Variants in EYS observed in about 807,000 individuals in gnomAD.
EYS encodes the protein protein eyes shut homolog.
A neutral mutation model predicts 282.1 loss-of-function variants in EYS; 250 were observed. That is an observed-to-expected ratio of 0.89 (90% confidence interval 0.80 to 0.98). The LOEUF (loss-of-function observed/expected upper bound fraction) is 0.98. EYS is among the 50% of genes least tolerant of loss of function. EYS has a pLI of 0.00. For synonymous variants in EYS, 1,355 were observed against 1,282.9 expected, an observed-to-expected ratio of 1.06 and a Z score of -1.20; for missense variants, 4,016 against 3,709.0, an observed-to-expected ratio of 1.08 and a Z score of -2.15.
At chr6:65,431,518 C>T (rs1668898589) in intron 5 of EYS, among the ~76,000 whole-genome samples, 2 of 151,776 alleles carry the variant, frequency 1.3e-5, no homozygotes, top group Non-Finnish European at 2.9e-5. Flanking sequence ...TTGTAATTTA[C>T]TATTCTCTCT....
At chr6:65,196,327 T>A (rs1254066167) in intron 12 of EYS, among the ~76,000 whole-genome samples, 1 of 152,072 alleles carries the variant, frequency 6.6e-6, no homozygotes, top group Non-Finnish European at 1.5e-5. Context: ...TTCCCATGGT[T>A]TTTTATATGT....
chr6:64,361,517 G>A (rs1407720778), intron 29 of EYS, among the ~76,000 whole-genome samples: 1 of 151,670 alleles, frequency 6.6e-6, no homozygotes, highest in Non-Finnish European at 1.5e-5. Context: ...ACATTTTTTA[G>A]TCTACAATCA....
chr6:64,823,755 A>C (rs1376656544), intron 19 of EYS, among the ~76,000 whole-genome samples: 1 of 151,948 alleles, frequency 6.6e-6, no homozygotes, highest in African/African-American at 2.4e-5. Context: ...CATAACAGCA[A>C]ACAAGAATTT....
intron 22 of EYS, among the ~76,000 whole-genome samples, chr6:64,746,902 T>C (rs912205369): frequency 1.3e-5 from 2 of 152,252 alleles, no homozygotes; most frequent in African/African-American, 4.8e-5. Flanking sequence ...CAATTTGCTA[T>C]GGCTGATTAA....
intron 26 of EYS, among the ~76,000 whole-genome samples, chr6:64,449,277 G>A (rs893249170): frequency 2.0e-5 from 3 of 151,970 alleles, no homozygotes; most frequent in African/African-American, 7.3e-5. Context: ...CGAAATGAAT[G>A]AAATGAAGTG....
intron 2 of EYS, among the ~76,000 whole-genome samples, chr6:65,624,017 T>C (rs1284807495): frequency 6.6e-6 from 1 of 152,202 alleles, no homozygotes; most frequent in Non-Finnish European, 1.5e-5. Flanking sequence ...GATGGATAGA[T>C]AGATAGGCAG....
chr6:64,573,004 T>C (rs565150699), intron 26 of EYS, among the ~76,000 whole-genome samples: 58 of 152,162 alleles, frequency 3.8e-4, no homozygotes, highest in African/African-American at 1.4e-3. Context: ...GGAGGCATCA[T>C]GCTACCTGAC....
intron 26 of EYS, among the ~76,000 whole-genome samples, chr6:64,562,306 AT>A (rs1765422875): frequency 6.6e-6 from 1 of 151,880 alleles, no homozygotes; most frequent in Non-Finnish European, 1.5e-5. Flanking sequence ...CTACAAAAAT[AT>A]TTTTAATGGC....
In EYS at chr6:64,830,143, C is replaced by G. The variant is rs550283186; in HGVS notation, c.2993-7321G>C. Among the ~76,000 whole-genome samples the G allele has an allele frequency of 3.3e-5, 5 of 152,096 alleles. No homozygotes were observed. In the South Asian group the frequency reaches 6.2e-4, roughly 19 times the overall value. Reference sequence around the variant, plus strand: ...CCCTTATAAAATAGGCCCAAGGGAACCTTCCACCATGTGAGGACATGGCTA... The same window carrying G: ...CCCTTATAAAATAGGCCCAAGGGAAGCTTCCACCATGTGAGGACATGGCTA... On this transcript the variant is annotated intron_variant, in intron 19 of 42. Coordinates refer to ENST00000503581, the MANE Select transcript of EYS (RefSeq NM_001142800.2).
chr6:63,779,907 C>T (rs1649127700), intron 39 of EYS, among the ~76,000 whole-genome samples: 1 of 152,080 alleles, frequency 6.6e-6, no homozygotes, highest in African/African-American at 2.4e-5. Context: ...CTCCCCCGAC[C>T]CCATGACAGG....
At chr6:65,501,487 G>A (rs775113966) in intron 2 of EYS, among the ~76,000 whole-genome samples, 49 of 151,598 alleles carry the variant, frequency 3.2e-4, no homozygotes, top group African/African-American at 1.1e-3. Flanking sequence ...CTAAATTATC[G>A]TTGCCATTAT....
At chr6:64,225,321 A>G (rs1023260217) in intron 31 of EYS, among the ~76,000 whole-genome samples, 9 of 151,970 alleles carry the variant, frequency 5.9e-5, no homozygotes, top group Admixed American at 1.3e-4. Flanking sequence ...CCAAAGCCCA[A>G]TTCCTGGAAA....
At chr6:64,911,876 GAT>G (rs1768004345) in intron 16 of EYS, among the ~76,000 whole-genome samples, 1 of 152,114 alleles carries the variant, frequency 6.6e-6, no homozygotes. Context: ...AAAGTTTAAT[GAT>G]ATAAGCAGAG....
chr6:64,590,860 G>A lies in EYS; in HGVS notation c.5007C>T (p.Val1669=), dbSNP rs1185519972. 3 of 1,550,652 alleles carry A rather than the reference G, an allele frequency of 1.9e-6. No homozygotes were observed. Among genetic ancestry groups the A allele is most frequent in the Admixed American group, 2.0e-5 (1 of 50,964 alleles). Residue 1669 remains valine (V), a synonymous_variant, in exon 26 of 43, where the codon GTC becomes GTT. Coordinates refer to ENST00000503581, the MANE Select transcript of EYS (RefSeq NM_001142800.2). ...LCLDKTCLSI[V]PSQTISSDLM... ...AGTCTGAAGAGATAGTTTGTGAAGG[G>A]ACAATGGATAAACAAGTCTTATCCA...
intron 15 of EYS, among the ~76,000 whole-genome samples, chr6:64,914,812 T>C (rs988851878): frequency 4.7e-4 from 72 of 152,286 alleles, no homozygotes; most frequent in African/African-American, 1.7e-3. Flanking sequence ...GTCTAAATTT[T>C]TTTTTAATTG....
At chr6:63,742,764 A>G (rs1262971020) in intron 41 of EYS, among the ~76,000 whole-genome samples, 2 of 152,200 alleles carry the variant, frequency 1.3e-5, no homozygotes, top group African/African-American at 4.8e-5. Flanking sequence ...TTCACTCAGC[A>G]TAATGCCCTT....
chr6:64,770,895 C>T (rs1176673294), intron 22 of EYS, among the ~76,000 whole-genome samples: 1 of 151,776 alleles, frequency 6.6e-6, no homozygotes, highest in Non-Finnish European at 1.5e-5. Flanking sequence ...TTCTTAGAAA[C>T]TCATAATTAT....
Position 63,789,332 on chromosome 6 carries a change from T to A in EYS, c.7412-108A>T, listed in dbSNP as rs770151576. 92 of 1,076,918 alleles carry A rather than the reference T, an allele frequency of 8.5e-5. 1 individual carries two copies. Among genetic ancestry groups the A allele is most frequent in the Non-Finnish European group, 4.0e-6 (3 of 756,104 alleles). 66.7% of individuals were successfully genotyped at this position (1,076,918 alleles called of 1,614,324 possible). On this transcript the variant is annotated intron_variant, in intron 37 of 42. Coordinates refer to ENST00000503581, the MANE Select transcript of EYS (RefSeq NM_001142800.2). ...AATTACAGATCAGTATGGTAAGTTATAATACATATTTAGTCTCTAGTCAGC... is the reference window on the plus strand; with the variant it reads ...AATTACAGATCAGTATGGTAAGTTAAAATACATATTTAGTCTCTAGTCAGC...
chr6:64,140,591 G>C (rs1401258935), intron 31 of EYS, among the ~76,000 whole-genome samples: 1 of 152,166 alleles, frequency 6.6e-6, no homozygotes, highest in East Asian at 1.9e-4. Flanking sequence ...AGCAGAATGA[G>C]TTTGGGCTGT....
Sources: gnomAD v4.1 joint callset for allele counts (sites outside exome capture counted in the v4.1 genomes callset) on GRCh38, gnomAD v4.1.1 for gene constraint, MANE v1.5 for transcripts, NCBI Gene and HGNC (gene_info 2026-07-23, HGNC 2026-07-21) for gene names.